Variants in SORCS3 observed in about 807,000 individuals in gnomAD.
SORCS3 encodes the protein VPS10 domain-containing receptor SorCS3.
A neutral mutation model predicts 146.3 loss-of-function variants in SORCS3; 57 were observed. The observed-to-expected ratio is 0.39, with a 90% CI of 0.31 to 0.49. The LOEUF is 0.49. Ranked by LOEUF, SORCS3 falls within the 20% of genes least tolerant of loss-of-function variation. The pLI, the probability that SORCS3 is intolerant of heterozygous loss-of-function variation, is 0.92. For missense variants in SORCS3, 1,341 were observed against 1,575.5 expected (o/e 0.85, Z 2.52); for synonymous variants, 653 against 618.5 (o/e 1.06, Z -0.83).
chr10:104,821,655 C>T, intron 1 of SORCS3, among the ~76,000 whole-genome samples: 1 of 152,174 alleles, frequency 6.6e-6, no homozygotes, highest in Non-Finnish European at 1.5e-5. Context: ...GTTGATCAGG[C>T]TTGATAAAAT....
intron 2 of SORCS3, among the ~76,000 whole-genome samples, chr10:104,905,257 A>G (rs1017715807): frequency 7.2e-5 from 11 of 152,214 alleles, no homozygotes; most frequent in Non-Finnish European, 7.3e-5. Context: ...TGGACCCAAA[A>G]CGAGATGAAG....
At chr10:105,104,650 G>T (rs1463778400) in intron 6 of SORCS3, among the ~76,000 whole-genome samples, 1 of 152,242 alleles carries the variant, frequency 6.6e-6, no homozygotes, top group East Asian at 1.9e-4. Flanking sequence ...GGTCTCACTT[G>T]AATTCTGTCT....
chr10:104,756,306 T>C (rs2017050330), intron 1 of SORCS3, among the ~76,000 whole-genome samples: 1 of 152,212 alleles, frequency 6.6e-6, no homozygotes, highest in African/African-American at 2.4e-5. Flanking sequence ...AAGAGCACTG[T>C]CCTTCAGAAG....
chr10:104,782,178 A>G (rs1195732517), intron 1 of SORCS3, among the ~76,000 whole-genome samples: 1 of 152,200 alleles, frequency 6.6e-6, no homozygotes, highest in Non-Finnish European at 1.5e-5. Flanking sequence ...AACCTCACTT[A>G]TGATGTTTCC....
intron 14 of SORCS3, among the ~76,000 whole-genome samples, chr10:105,198,205 T>C (rs2119608848): frequency 6.6e-6 from 1 of 152,328 alleles, no homozygotes. Flanking sequence ...ATGACGTTTT[T>C]TGTGATCCAG....
At chr10:105,184,474 G>A (rs2056462763) in intron 14 of SORCS3, among the ~76,000 whole-genome samples, 1 of 152,160 alleles carries the variant, frequency 6.6e-6, no homozygotes, top group South Asian at 2.1e-4. Flanking sequence ...GAACAAGAAT[G>A]CCCATGGGTT....
chr10:104,731,266 G>T (rs1407949636), intron 1 of SORCS3, among the ~76,000 whole-genome samples: 1 of 152,180 alleles, frequency 6.6e-6, no homozygotes, highest in African/African-American at 2.4e-5. Context: ...TACTTCTCTG[G>T]CATGGGGCAA....
At chr10:105,053,067 C>T (rs1335668912) in intron 5 of SORCS3, among the ~76,000 whole-genome samples, 1 of 152,002 alleles carries the variant, frequency 6.6e-6, no homozygotes, top group Non-Finnish European at 1.5e-5. Flanking sequence ...CAGAGGGCCA[C>T]CTTCTGGATG....
intron 7 of SORCS3, among the ~76,000 whole-genome samples, chr10:105,121,658 A>G (rs2055934148): frequency 6.6e-6 from 1 of 152,170 alleles, no homozygotes; most frequent in Admixed American, 6.6e-5. Context: ...ACTCTTTCTC[A>G]GGATCTGTTT....
At chr10:104,710,042 G>T (rs1340021807) in intron 1 of SORCS3, among the ~76,000 whole-genome samples, 1 of 152,086 alleles carries the variant, frequency 6.6e-6, no homozygotes, top group Non-Finnish European at 1.5e-5. Flanking sequence ...GGCTGCAGGG[G>T]TAGAATTTAT....
chr10:104,961,334 C>T (rs375093375), intron 3 of SORCS3, among the ~76,000 whole-genome samples: 13 of 152,240 alleles, frequency 8.5e-5, no homozygotes, highest in South Asian at 4.1e-4. Flanking sequence ...ATTTAACCTG[C>T]GCCTTAGTCC....
At chr10:104,652,793 C>T (rs1168043680) in intron 1 of SORCS3, among the ~76,000 whole-genome samples, 1 of 152,160 alleles carries the variant, frequency 6.6e-6, no homozygotes, top group Non-Finnish European at 1.5e-5. Context: ...TTACTCTTTT[C>T]AGATCATGTG....
chr10:104,696,835 C>T lies in SORCS3; in HGVS notation c.627+54881C>T, dbSNP rs58210210. ...AAGGAAATCCTGCTATTTGTGACAACATGGATAACCTGGAGGACATTATGC... is the reference window on the plus strand; with the variant it reads ...AAGGAAATCCTGCTATTTGTGACAATATGGATAACCTGGAGGACATTATGC... On this transcript the variant is annotated intron_variant, in intron 1 of 26. Transcript: ENST00000369701. Among the ~76,000 whole-genome samples the T allele has an allele frequency of 5.5e-3, 785 of 143,362 alleles. 5 individuals are homozygous for T. Among genetic ancestry groups the T allele is most frequent in the African/African-American group, 0.019 (721 of 38,456 alleles). 94.1% of individuals were successfully genotyped at this position (143,362 alleles called of 152,430 possible). A position where few individuals can be genotyped will look rare whatever the true frequency, so the allele number is the denominator to read the frequency against.
chr10:105,117,854 T>C (rs2055904072), intron 7 of SORCS3, among the ~76,000 whole-genome samples: 1 of 152,222 alleles, frequency 6.6e-6, no homozygotes, highest in East Asian at 1.9e-4. Context: ...CATAGTTGAA[T>C]TGTCTAGAGA....
intron 1 of SORCS3, among the ~76,000 whole-genome samples, chr10:104,652,088 TG>T (rs1190801207): frequency 7.2e-5 from 11 of 151,950 alleles, no homozygotes; most frequent in Admixed American, 3.3e-4. Flanking sequence ...TGTGTGTGTG[TG>T]TGTGTTTTAA....
At chr10:104,650,231 G>A (rs556226966) in intron 1 of SORCS3, among the ~76,000 whole-genome samples, 1 of 152,302 alleles carries the variant, frequency 6.6e-6, no homozygotes, top group South Asian at 2.1e-4. Context: ...CCTTCACCCT[G>A]TGTACCAAGA....
At chr10:105,217,488 A>G (rs913836970) in intron 19 of SORCS3, among the ~76,000 whole-genome samples, 2 of 152,316 alleles carry the variant, frequency 1.3e-5, no homozygotes, top group South Asian at 4.1e-4. Context: ...CTCATTCTCA[A>G]TCTATTATGA....
chr10:104,970,595 A>G (rs1449039092), intron 3 of SORCS3, among the ~76,000 whole-genome samples: 1 of 152,152 alleles, frequency 6.6e-6, no homozygotes, highest in East Asian at 1.9e-4. Context: ...TTGGTCTATG[A>G]TTACTCTAAG....
intron 1 of SORCS3, among the ~76,000 whole-genome samples, chr10:104,743,304 G>A (rs932692534): frequency 6.6e-6 from 1 of 152,176 alleles, no homozygotes; most frequent in Non-Finnish European, 1.5e-5. Flanking sequence ...CCATAGCGGG[G>A]TGAAGTTGCA....
Sources: gnomAD v4.1 joint callset for allele counts (sites outside exome capture counted in the v4.1 genomes callset) on GRCh38, gnomAD v4.1.1 for gene constraint, MANE v1.5 for transcripts, NCBI Gene and HGNC (gene_info 2026-07-23, HGNC 2026-07-21) for gene names.